Variants in MROH7 observed in about 807,000 individuals in gnomAD.
MROH7 encodes the protein maestro heat like repeat family member 7.
In MROH7, 113 loss-of-function variants were observed where a neutral mutation model predicts 129.2. The observed-to-expected ratio is 0.87, with a 90% CI of 0.75 to 1.02. The LOEUF is 1.02. Ranked by LOEUF, MROH7 falls within the 50% of genes least tolerant of loss-of-function variation. MROH7 has a pLI of 0.00. For missense variants in MROH7, 1,601 were observed against 1,671.3 expected, an observed-to-expected ratio of 0.96 and a Z score of 0.73; for synonymous variants, 655 against 667.9, an observed-to-expected ratio of 0.98 and a Z score of 0.30.
rs1570000684 is a variant in MROH7, at chr1:54,704,465, A to T, written c.3564+1720A>T. ...TTTTTTTTTTTTGAGACAGAGTCTC[A>T]CTCTGTCACTCAGGCTGGAGTGCAG... On this transcript the variant is annotated intron_variant, in intron 21 of 23. Coordinates refer to ENST00000421030, the MANE Select transcript of MROH7 (RefSeq NM_001039464.4). 3.1e-5 allele frequency among the ~76,000 whole-genome samples: 4 copies of T among 130,070 alleles called. No homozygotes were observed. The South Asian group carries it at 9.4e-4, about 30-fold the overall frequency. The allele number at this position is 130,070 out of a possible 152,430, so 85.3% of individuals were successfully genotyped here.
At position 54,670,819 on chromosome 1, in the gene MROH7, G is replaced by T; in HGVS notation, c.1489G>T (p.Gly497Cys). The T allele has an allele frequency of 6.2e-7, 1 of 1,613,978 alleles. No individual in the cohort carries two copies. The highest frequency in any genetic ancestry group is 1.7e-4 in the Middle Eastern group (1 of 6,058). ...CTCCAGCCACACCCAGCCCACCCTG[G>T]GCATGCGGGAGAGGTCGGAGCTGGT... ...TQLSHTQPTL[G>C]MRERSELVNV... The change falls in exon 7 of 24, where the codon GGC (glycine) becomes TGC (cysteine). Residue 497 changes from glycine to cysteine, a missense_variant. Transcript: ENST00000421030.
chr1:54,679,445 G>GCCTC lies in MROH7; in HGVS notation c.2226+8_2226+11dup. The GCCTC allele has an allele frequency of 1.2e-6, 2 of 1,610,690 alleles. No individual in the cohort carries two copies. The highest frequency in any genetic ancestry group is 1.7e-6 in the Non-Finnish European group (2 of 1,177,862). On this transcript the variant is annotated splice_region_variant and intron_variant, in intron 12 of 23. Coordinates refer to ENST00000421030, the MANE Select transcript of MROH7 (RefSeq NM_001039464.4). ...GCCACAGGGCGCTGGAGGTGGTAAG[G>GCCTC]CCTCCTGGGGGCAGGGAGTGAACTG...
At chr1:54,706,594 T>G in intron 22 of MROH7, 57 bp downstream of exon 22, 2 of 1,362,562 alleles carry the variant, frequency 1.5e-6, no homozygotes, top group Non-Finnish European at 2.1e-6. Context: ...CTCTCCAGTT[T>G]GTTTCCTCCC....
At chr1:54,655,015 A>AT (rs71045202) in intron 3 of MROH7, among the ~76,000 whole-genome samples, 6,982 of 136,392 alleles carry the variant, frequency 0.051, 208 homozygotes, top group Non-Finnish European at 0.053. Context: ...TGAGAATCCT[A>AT]TTTTTTTTTT....
chr1:54,644,789 C>G (rs1245849919), intron 1 of MROH7, among the ~76,000 whole-genome samples: 1 of 151,030 alleles, frequency 6.6e-6, no homozygotes, highest in Non-Finnish European at 1.5e-5. Context: ...GCCACCATGT[C>G]CAGCCAAATA....
Position 54,673,078 on chromosome 1 carries a change from C to T in MROH7, c.1600-13C>T. 1 of 1,608,068 alleles carries T rather than the reference C, an allele frequency of 6.2e-7. No individual in the cohort carries two copies. Among genetic ancestry groups the T allele is most frequent in the Non-Finnish European group, 8.5e-7 (1 of 1,174,908 alleles). ...GAGGTGCCTTAGTGGCTTGGTCCTC[C>T]TCCCATCCACAGGCTCTTTACCATC... is the stretch of plus-strand genomic sequence containing the variant. On this transcript the variant is annotated splice_polypyrimidine_tract_variant and intron_variant, in intron 7 of 23. Transcript: ENST00000421030.
At chr1:54,700,514 A>G in intron 18 of MROH7, 53 bp downstream of exon 18, 1 of 1,516,584 alleles carries the variant, frequency 6.6e-7, no homozygotes, top group Non-Finnish European at 8.8e-7. Flanking sequence ...GACTGGAGGA[A>G]GGACAGAGCT....
chr1:54,656,756 AGCC>A (rs1202567383), intron 3 of MROH7, among the ~76,000 whole-genome samples: 4 of 152,124 alleles, frequency 2.6e-5, no homozygotes, highest in Non-Finnish European at 5.9e-5. Context: ...GGTTGCAGTA[AGCC>A]AAGATCGTGC....
chr1:54,694,741 G>T (rs1645293892), intron 16 of MROH7, among the ~76,000 whole-genome samples: 2 of 152,108 alleles, frequency 1.3e-5, no homozygotes, highest in Non-Finnish European at 2.9e-5. Context: ...AAGTGGTCAG[G>T]CCTGAGCCAC....
At chr1:54,670,706 C>T (rs1457537102) in intron 6 of MROH7, 94 bp from the exon 7 acceptor site, 25 of 1,527,490 alleles carry the variant, frequency 1.6e-5, no homozygotes, top group Non-Finnish European at 2.2e-5. Context: ...TTCCCCTCCC[C>T]TTGCCCAGTC....
chr1:54,648,336 TTTTATTTATTTATTTA>T (rs59068913), intron 1 of MROH7, among the ~76,000 whole-genome samples: 40 of 142,226 alleles, frequency 2.8e-4, no homozygotes, highest in Non-Finnish European at 5.1e-4. Context: ...TTGCATGCAA[TTTTATTTATTTATTTA>T]TTTATTTATT....
chr1:54,652,820 G>T, intron 2 of MROH7, 33 bp from the exon 3 acceptor site: 6 of 1,428,454 alleles, frequency 4.2e-6, no homozygotes, highest in Non-Finnish European at 3.8e-6. Flanking sequence ...AACAGGTGTG[G>T]CATGGCTGCA....
intron 7 of MROH7, among the ~76,000 whole-genome samples, chr1:54,671,968 T>C (rs1433530010): frequency 6.6e-6 from 1 of 151,950 alleles, no homozygotes; most frequent in Non-Finnish European, 1.5e-5. Flanking sequence ...GGGGTTGTGA[T>C]TGTGAAACTG....
chr1:54,662,087 G>T (rs575365104), intron 3 of MROH7, among the ~76,000 whole-genome samples: 17 of 152,022 alleles, frequency 1.1e-4, no homozygotes, highest in African/African-American at 3.6e-4. Context: ...AAATGTGGTA[G>T]CGTGGGCCTG....
rs1486206067 is a variant in MROH7 at position 54,641,979 on chromosome 1, G to C, written c.-110+11G>C. On this transcript the variant is annotated intron_variant, in intron 1 of 23. Coordinates refer to ENST00000421030, the MANE Select transcript of MROH7 (RefSeq NM_001039464.4). ...ATGCTCCAGGTGAAGGTAACACATT[G>C]AACTTTACATGAGCAGCCCAAGGCT... 1 of 152,210 alleles carries C rather than the reference G, an allele frequency of 6.6e-6. No homozygotes were observed. The highest frequency in any genetic ancestry group is 2.4e-5 in the African/African-American group (1 of 41,428). 9.4% of individuals were successfully genotyped at this position (152,210 alleles called of 1,614,324 possible).
At chr1:54,676,208 T>C (rs1460942449) in intron 10 of MROH7, among the ~76,000 whole-genome samples, 1 of 152,192 alleles carries the variant, frequency 6.6e-6, no homozygotes, top group Non-Finnish European at 1.5e-5. Flanking sequence ...TTTATTTTTT[T>C]CTTTTTTTAG....
At position 54,710,081 on chromosome 1, in the gene MROH7, CCA is replaced by C. The variant is rs1397612719; in HGVS notation, c.3868_3869del (p.Thr1290ProfsTer8). On this transcript the variant is annotated frameshift_variant, in exon 24 of 24. Coordinates refer to ENST00000421030, the MANE Select transcript of MROH7 (RefSeq NM_001039464.4). LOFTEE classifies it high-confidence loss of function. ...AACTCATGGGTGTGTTACTCAGCCA[CCA>C]CCCACCGCTGGAGCCCCAGCTGTGA... 1 of 1,613,972 alleles carries C rather than the reference CCA, an allele frequency of 6.2e-7. No individual in the cohort carries two copies. Among genetic ancestry groups the C allele is most frequent in the Non-Finnish European group, 8.5e-7 (1 of 1,180,020 alleles).
At chr1:54,648,667 G>A (rs779518971) in intron 1 of MROH7, among the ~76,000 whole-genome samples, 50 of 151,586 alleles carry the variant, frequency 3.3e-4, no homozygotes, top group Non-Finnish European at 7.4e-5. Context: ...TGCCTGGTCT[G>A]CATGCAATTT....
chr1:54,700,500 C>A, intron 18 of MROH7, 39 bp downstream of exon 18: 2 of 1,533,574 alleles, frequency 1.3e-6, no homozygotes, highest in Non-Finnish European at 1.8e-6. Context: ...CCAGCCAGGC[C>A]CCAGACTGGA....
Sources: gnomAD v4.1 joint callset for allele counts (sites outside exome capture counted in the v4.1 genomes callset) on GRCh38, gnomAD v4.1.1 for gene constraint, MANE v1.5 for transcripts, NCBI Gene and HGNC (gene_info 2026-07-23, HGNC 2026-07-21) for gene names.